The following ARHGAP1 variants were observed in gnomAD, a reference collection of about 807,000 sequenced individuals.
The protein encoded by ARHGAP1 is rho GTPase-activating protein 1.
In ARHGAP1, 23 loss-of-function variants were observed where a neutral mutation model predicts 52.2. That is an observed-to-expected ratio of 0.44 (90% CI 0.32 to 0.62). ARHGAP1 has a LOEUF of 0.62. ARHGAP1 is among the 20% of genes least tolerant of loss of function. ARHGAP1 has a pLI of 0.05. For synonymous variants in ARHGAP1, 210 were observed against 228.4 expected (o/e 0.92, Z 0.73); for missense variants, 480 against 560.9 (o/e 0.86, Z 1.46).
rs778396123 is a variant in ARHGAP1, at chr11:46,696,004, G to A, written c.104C>T (p.Ser35Leu). 3.1e-6 allele frequency: 5 copies of A among 1,614,194 alleles called. No individual in the cohort carries two copies. The highest frequency in any genetic ancestry group is 1.1e-5 in the South Asian group (1 of 91,088). Residue 35 changes from serine to leucine, a missense_variant, in exon 2 of 13, where the codon TCG becomes TTG. Coordinates refer to ENST00000311956, the MANE Select transcript of ARHGAP1 (RefSeq NM_004308.5). The surrounding 1 kb of genome is among the most constrained non-coding windows in gnomAD (Gnocchi z 4.8). The part of the protein sequence containing the change: ...LASIDEKNWP[S>L]DEMPDFPKSD... ...CTTGGGGAAGTCAGGCATTTCATCCGAGGGCCAGTTCTTCTCATCGATGGA... is the reference window on the plus strand; with the variant it reads ...CTTGGGGAAGTCAGGCATTTCATCCAAGGGCCAGTTCTTCTCATCGATGGA...
In ARHGAP1 at chr11:46,681,271, A is replaced by G; in HGVS notation, c.536+22T>C. Reference sequence around the variant, plus strand: ...GAGTTCCAGGCAAGCCGGGACCACCAGCCCTGCCCGTGGCCACTCACCTGA... The same window carrying G: ...GAGTTCCAGGCAAGCCGGGACCACCGGCCCTGCCCGTGGCCACTCACCTGA... On this transcript the variant is annotated intron_variant, in intron 6 of 12. Coordinates refer to ENST00000311956, the MANE Select transcript of ARHGAP1 (RefSeq NM_004308.5). The surrounding 1 kb of genome is among the most constrained non-coding windows in gnomAD (Gnocchi z 5.7). 1 of 1,601,282 alleles carries G rather than the reference A, an allele frequency of 6.2e-7. No homozygotes were observed.
intron 4 of ARHGAP1, 117 bp from the exon 5 acceptor site, chr11:46,682,299 C>G: frequency 7.3e-7 from 1 of 1,372,386 alleles, no homozygotes; most frequent in South Asian, 1.3e-5. Context: ...CAGGCCCTCC[C>G]CTAGCACAGT....
Position 46,677,236 on chromosome 11 carries a change from C to T in ARHGAP1, c.*1801G>A, listed in dbSNP as rs543687163. On this transcript the variant is annotated 3_prime_UTR_variant, in exon 13 of 13. Transcript: ENST00000311956. ...AGACCAGTGGGGGACATGAGAAAGACCAAATAGATCCGAAAGGCTCCCCAG... is the reference window on the plus strand; with the variant it reads ...AGACCAGTGGGGGACATGAGAAAGATCAAATAGATCCGAAAGGCTCCCCAG... The T allele has an allele frequency of 6.5e-6, 1 of 152,778 alleles. No homozygotes were observed. Among genetic ancestry groups the T allele is most frequent in the East Asian group, 1.9e-4 (1 of 5,186 alleles). The allele number at this position is 152,778 out of a possible 1,614,324, so 9.5% of individuals were successfully genotyped here.
intron 4 of ARHGAP1, chr11:46,687,229 C>T (rs1189099937): frequency 6.6e-6 from 1 of 152,288 alleles, no homozygotes; most frequent in African/African-American, 2.4e-5. Flanking sequence ...CCTGCCTTGT[C>T]TGAAGAGCAG....
chr11:46,695,411 G>A (rs1479023812), intron 3 of ARHGAP1: 2 of 563,834 alleles, frequency 3.5e-6, no homozygotes, highest in Non-Finnish European at 6.7e-6. Context: ...TTCTGGCTCT[G>A]GGCTAGGCCC....
rs915582444 is a variant in ARHGAP1 at position 46,683,978 on chromosome 11, C to G, written c.318-1796G>C. ...TCTAGTTGGCCAAACAGCTCCTAGG[C>G]TCCCACAGGGACACTACTGCAGGCT... is the stretch of plus-strand genomic sequence containing the variant. On this transcript the variant is annotated intron_variant, in intron 4 of 12. Coordinates refer to ENST00000311956, the MANE Select transcript of ARHGAP1 (RefSeq NM_004308.5). 2.0e-5 allele frequency among the ~76,000 whole-genome samples: 3 copies of G among 152,326 alleles called. No homozygotes were observed. The South Asian group carries it at 6.2e-4, about 32-fold the overall frequency.
Position 46,700,593 on chromosome 11 carries a change from G to T in ARHGAP1, c.-92C>A, listed in dbSNP as rs1392357459. On this transcript the variant is annotated 5_prime_UTR_variant, in exon 1 of 13. Transcript: ENST00000311956. ...CCCTCTGCCACGCCTGTCAAGGCTC[G>T]GCAAACATCCGGCTCCGCGGTGGAA... 3 of 204,988 alleles carry T rather than the reference G, an allele frequency of 1.5e-5. No individual in the cohort carries two copies. Among genetic ancestry groups the T allele is most frequent in the Non-Finnish European group, 3.0e-5 (3 of 99,722 alleles). 12.7% of individuals were successfully genotyped at this position (204,988 alleles called of 1,614,324 possible).
At chr11:46,688,316 G>A (rs1038597817) in intron 3 of ARHGAP1, 56 bp from the exon 4 acceptor site, 3 of 1,533,390 alleles carry the variant, frequency 2.0e-6, no homozygotes, top group Non-Finnish European at 2.7e-6. Flanking sequence ...AAAGAAGTGG[G>A]GTGAGGAACT....
chr11:46,679,427 G>A lies in ARHGAP1; in HGVS notation c.1069C>T (p.Leu357Phe), dbSNP rs2064506492. 1 of 1,614,220 alleles carries A rather than the reference G, an allele frequency of 6.2e-7. No homozygotes were observed. Among genetic ancestry groups the A allele is most frequent in the Non-Finnish European group, 8.5e-7 (1 of 1,180,042 alleles). ...SQRVPATLQV[L>F]QTLPEENYQV... ...TAGTTCTCCTCGGGCAGCGTCTGGA[G>A]GACCTGCAGTGTCGCTGGCACCCTC... Residue 357 changes from leucine to phenylalanine, a missense_variant, in exon 12 of 13, where the codon CTC becomes TTC. Leu to Phe is a conservative substitution (Grantham distance 22). Coordinates refer to ENST00000311956, the MANE Select transcript of ARHGAP1 (RefSeq NM_004308.5). The surrounding 1 kb of genome is among the most constrained non-coding windows in gnomAD (Gnocchi z 4.4).
In ARHGAP1 at chr11:46,681,082, A is replaced by G; in HGVS notation, c.564T>C (p.Tyr188=). ...ISFKFGQKIF[Y]VNYLSELSEH... is the part of the protein sequence containing the mutation. ...CGCTCAGCTCGCTCAGGTAATTCAC[A>G]TAGAAGATCTTCTGCCCGAACTTGA... The change falls in exon 7 of 13, where the codon TAT becomes TAC. Residue 188 remains tyrosine (Y), a synonymous_variant. Coordinates refer to ENST00000311956, the MANE Select transcript of ARHGAP1 (RefSeq NM_004308.5). The surrounding 1 kb of genome is among the most constrained non-coding windows in gnomAD (Gnocchi z 5.7). 1.2e-6 allele frequency: 2 copies of G among 1,614,118 alleles called. No homozygotes were observed. Among genetic ancestry groups the G allele is most frequent in the Non-Finnish European group, 1.7e-6 (2 of 1,180,018 alleles).
chr11:46,692,876 G>C (rs537327182), intron 3 of ARHGAP1, among the ~76,000 whole-genome samples: 1 of 147,264 alleles, frequency 6.8e-6, no homozygotes, highest in Non-Finnish European at 1.5e-5. Context: ...TTTTTGAGAC[G>C]GCGTCTCGCT....
rs146623713 is a variant in ARHGAP1 at position 46,680,711 on chromosome 11, G to A, written c.672C>T (p.Pro224=). The part of the protein sequence containing the change: ...DDFLKSTQKS[P]ATAPKPMPPR... ...GGGGCATGGGCTTGGGGGCTGTCGC[G>A]GGGCTCTTCTGTGTGGATTTCAGGA... Residue 224 remains proline, a synonymous_variant, in exon 8 of 13, where the codon CCC becomes CCT. Transcript: ENST00000311956. The surrounding 1 kb of genome is among the most constrained non-coding windows in gnomAD (Gnocchi z 5.9). The A allele has an allele frequency of 1.6e-5, 25 of 1,576,802 alleles. No individual in the cohort carries two copies. In the East Asian group the frequency reaches 2.0e-4, roughly 13 times the overall value.
chr11:46,696,781 A>G lies in ARHGAP1; in HGVS notation c.-49-625T>C, dbSNP rs2064658106. On this transcript the variant is annotated intron_variant, in intron 1 of 12. Transcript: ENST00000311956. The surrounding 1 kb of genome is among the most constrained non-coding windows in gnomAD (Gnocchi z 4.8). ...CTACTCAGGAAGCTGAGGCAGGAGA[A>G]TCACTTGAACCCAGGAGGCGGAGGT... Among the ~76,000 whole-genome samples, 1 of 152,212 alleles carries G rather than the reference A, an allele frequency of 6.6e-6. No individual in the cohort carries two copies. Among genetic ancestry groups the G allele is most frequent in the South Asian group, 2.1e-4 (1 of 4,832 alleles).
Position 46,680,950 on chromosome 11 carries a change from T to C in ARHGAP1, c.635+61A>G. On this transcript the variant is annotated intron_variant, in intron 7 of 12. Coordinates refer to ENST00000311956, the MANE Select transcript of ARHGAP1 (RefSeq NM_004308.5). The surrounding 1 kb of genome is among the most constrained non-coding windows in gnomAD (Gnocchi z 5.9). ...GCCTAAGCCCCACGCGGTCTCTGAA[T>C]CAGGACACACGTCCTCATTACCCTG... 6.7e-7 allele frequency: 1 copy of C among 1,492,126 alleles called. No homozygotes were observed. Among genetic ancestry groups the C allele is most frequent in the Non-Finnish European group, 9.3e-7 (1 of 1,075,200 alleles). The allele number at this position is 1,492,126 out of a possible 1,614,324, so 92.4% of individuals were successfully genotyped here.
At chr11:46,682,598 C>T (rs933552090) in intron 4 of ARHGAP1, among the ~76,000 whole-genome samples, 9 of 152,248 alleles carry the variant, frequency 5.9e-5, no homozygotes, top group African/African-American at 2.2e-4. Context: ...GCAGGAGAAT[C>T]GCTTGAACCC....
chr11:46,677,598 G>T lies in ARHGAP1; in HGVS notation c.*1439C>A. 1 of 214,142 alleles carries T rather than the reference G, an allele frequency of 4.7e-6. No homozygotes were observed. Among genetic ancestry groups the T allele is most frequent in the Non-Finnish European group, 9.6e-6 (1 of 104,258 alleles). The allele number at this position is 214,142 out of a possible 1,614,324, so 13.3% of individuals were successfully genotyped here. On this transcript the variant is annotated 3_prime_UTR_variant, in exon 13 of 13. Transcript: ENST00000311956. Reference sequence around the variant, plus strand: ...GGAAGAGGGATCCCCAGGAAGGAGTGTAATTCTACGAGACAGTGGGAGTGA... The same window carrying T: ...GGAAGAGGGATCCCCAGGAAGGAGTTTAATTCTACGAGACAGTGGGAGTGA...
intron 4 of ARHGAP1, among the ~76,000 whole-genome samples, chr11:46,683,354 C>A (rs2064542911): frequency 6.6e-6 from 1 of 151,934 alleles, no homozygotes; most frequent in South Asian, 2.1e-4. Context: ...CGAAAGCCTG[C>A]ATTCTTGACC....
At position 46,677,700 on chromosome 11, in the gene ARHGAP1, C is replaced by G. The variant is rs928236455; in HGVS notation, c.*1337G>C. ...GGTGCAGTGGCTCACGCCTGGAATC[C>G]CAGCACTTTGGGAGGCCGAGGTGGG... On this transcript the variant is annotated 3_prime_UTR_variant, in exon 13 of 13. Coordinates refer to ENST00000311956, the MANE Select transcript of ARHGAP1 (RefSeq NM_004308.5). The G allele has an allele frequency of 2.9e-5, 7 of 243,926 alleles. No homozygotes were observed. Among genetic ancestry groups the G allele is most frequent in the Non-Finnish European group, 8.2e-6 (1 of 121,352 alleles). 15.1% of individuals were successfully genotyped at this position (243,926 alleles called of 1,614,324 possible). A position where few individuals can be genotyped will look rare whatever the true frequency, so the allele number is the denominator to read the frequency against.
chr11:46,679,480 G>T lies in ARHGAP1; in HGVS notation c.1028-12C>A. Reference sequence around the variant, plus strand: ...GCTTTCATCAATGTCTATGAGGAAAGGAGGCCCGGGTTATAGGGGCCCTAG... The same window carrying T: ...GCTTTCATCAATGTCTATGAGGAAATGAGGCCCGGGTTATAGGGGCCCTAG... On this transcript the variant is annotated splice_polypyrimidine_tract_variant and intron_variant, in intron 11 of 12. Coordinates refer to ENST00000311956, the MANE Select transcript of ARHGAP1 (RefSeq NM_004308.5). This position sits in a 1 kb window ranked among gnomAD's most constrained non-coding sequence, Gnocchi z 4.4. 1 of 1,613,292 alleles carries T rather than the reference G, an allele frequency of 6.2e-7. No individual in the cohort carries two copies. The highest frequency in any genetic ancestry group is 8.5e-7 in the Non-Finnish European group (1 of 1,179,386).
Sources: gnomAD v4.1 joint callset for allele counts (sites outside exome capture counted in the v4.1 genomes callset) on GRCh38, gnomAD v4.1.1 for gene constraint, Gnocchi (gnomAD v3.1) non-coding constraint, MANE v1.5 for transcripts, NCBI Gene and HGNC (gene_info 2026-07-23, HGNC 2026-07-21) for gene names.